Variants in RAB5A observed in about 807,000 individuals in gnomAD.
RAB5A encodes ras-related protein Rab-5A.
A neutral mutation model predicts 25.7 loss-of-function variants in RAB5A; 8 were observed. That is an observed-to-expected ratio of 0.31 (90% CI 0.18 to 0.56). RAB5A has a LOEUF of 0.56. Among genes scored for constraint, RAB5A ranks in the 20% least tolerant of loss-of-function variants. The pLI, the probability that RAB5A is intolerant of heterozygous loss-of-function variation, is 0.91. For missense variants in RAB5A, 192 were observed against 259.7 expected (o/e 0.74, Z 1.79); for synonymous variants, 98 against 89.8 (o/e 1.09, Z -0.52).
At chr3:19,971,216 C>CAAA (rs1696746917) in intron 2 of RAB5A, among the ~76,000 whole-genome samples, 1 of 111,990 alleles carries the variant, frequency 8.9e-6, no homozygotes, top group African/African-American at 3.6e-5. Flanking sequence ...AAAAAAAAAA[C>CAAA]ACTATAGTAG....
chr3:19,968,461 A>G (rs1696691043), intron 2 of RAB5A, among the ~76,000 whole-genome samples: 1 of 152,096 alleles, frequency 6.6e-6, no homozygotes, highest in African/African-American at 2.4e-5. Flanking sequence ...CCCACAAGTT[A>G]CTTTACTTCT....
At chr3:19,972,431 TG>T (rs1696764687) in intron 2 of RAB5A, among the ~76,000 whole-genome samples, 1 of 152,196 alleles carries the variant, frequency 6.6e-6, no homozygotes, top group Non-Finnish European at 1.5e-5. Flanking sequence ...CAGAGAACTC[TG>T]GGAGCACAGA....
intron 2 of RAB5A, among the ~76,000 whole-genome samples, chr3:19,963,375 C>G (rs1008102802): frequency 1.7e-5 from 2 of 115,344 alleles, no homozygotes; most frequent in African/African-American, 7.0e-5. Flanking sequence ...CCCCCCCCCC[C>G]CCCGACTTAT....
chr3:19,967,115 G>T (rs930056965), intron 2 of RAB5A, among the ~76,000 whole-genome samples: 2 of 151,572 alleles, frequency 1.3e-5, no homozygotes, highest in African/African-American at 4.9e-5. Flanking sequence ...GTGTATATCC[G>T]TTGGATCAAT....
At chr3:19,983,686 T>G in intron 5 of RAB5A, 22 bp from the exon 6 acceptor site, 1 of 1,437,226 alleles carries the variant, frequency 7.0e-7, no homozygotes. Context: ...AATATTCTAT[T>G]TATTTGATCA....
rs1696702575 is a variant in RAB5A, at chr3:19,969,031, G to GTTTTTTTTTTTTGTTTTTTTT, written c.164-6557_164-6556insTTTTTTTTTTTTTTTTTTTTG. ...TGCAAATTGGTGTTTTTTGGTTTTGGTTTTTTTTTTTTGGTTTTTTTTTTT... is the reference window on the plus strand; with the variant it reads ...TGCAAATTGGTGTTTTTTGGTTTTGGTTTTTTTTTTTTGTTTTTTTTTTTTTTTTTTTTGGTTTTTTTTTTT... On this transcript the variant is annotated intron_variant, in intron 2 of 5. Transcript: ENST00000273047. 9.0e-5 allele frequency among the ~76,000 whole-genome samples: 9 copies of GTTTTTTTTTTTTGTTTTTTTT among 99,700 alleles called. 1 individual carries two copies. Among genetic ancestry groups the GTTTTTTTTTTTTGTTTTTTTT allele is most frequent in the Non-Finnish European group, 1.5e-4 (8 of 52,274 alleles). The allele number at this position is 99,700 out of a possible 152,430, so 65.4% of individuals were successfully genotyped here. A position where few individuals can be genotyped will look rare whatever the true frequency, so the allele number is the denominator to read the frequency against.
intron 5 of RAB5A, among the ~76,000 whole-genome samples, chr3:19,982,763 TAAAA>T (rs62910362): frequency 7.2e-6 from 1 of 139,828 alleles, no homozygotes. Flanking sequence ...CCTTGTCTCT[TAAAA>T]AAAAAAAAAA....
intron 2 of RAB5A, among the ~76,000 whole-genome samples, chr3:19,965,696 T>C (rs1438519080): frequency 6.6e-6 from 1 of 152,200 alleles, no homozygotes; most frequent in East Asian, 1.9e-4. Context: ...TCACAACTAT[T>C]ACCTTTAGAT....
At chr3:19,978,427 A>G (rs780640698) in intron 5 of RAB5A, 24 bp downstream of exon 5, 68 of 1,505,028 alleles carry the variant, frequency 4.5e-5, no homozygotes, top group Admixed American at 3.6e-5. Flanking sequence ...CTCTTTTTAA[A>G]TGATCAATAT....
chr3:19,955,021 T>C (rs541445555), intron 2 of RAB5A, among the ~76,000 whole-genome samples: 3 of 152,190 alleles, frequency 2.0e-5, no homozygotes, highest in Non-Finnish European at 4.4e-5. Flanking sequence ...AGCAGTAGGC[T>C]CAGAGAGTTG....
chr3:19,979,654 C>T (rs1022460211), intron 5 of RAB5A, among the ~76,000 whole-genome samples: 1 of 152,032 alleles, frequency 6.6e-6, no homozygotes, highest in Admixed American at 6.6e-5. Context: ...AGTAATAAGC[C>T]TCCTTTTTTC....
At chr3:19,983,594 T>C in intron 5 of RAB5A, 114 bp from the exon 6 acceptor site, 1 of 714,816 alleles carries the variant, frequency 1.4e-6, no homozygotes, top group Non-Finnish European at 2.5e-6. Flanking sequence ...GAACATATGG[T>C]TATATGATAC....
chr3:19,953,580 G>T (rs1696456775), intron 2 of RAB5A, among the ~76,000 whole-genome samples: 1 of 151,982 alleles, frequency 6.6e-6, no homozygotes, highest in Non-Finnish European at 1.5e-5. Flanking sequence ...GCCAATTTTT[G>T]TATTTTTAGT....
intron 2 of RAB5A, among the ~76,000 whole-genome samples, chr3:19,954,714 A>G (rs1696474440): frequency 6.6e-6 from 1 of 152,150 alleles, no homozygotes; most frequent in South Asian, 2.1e-4. Context: ...GCTACTGAGA[A>G]GGCTGAAATG....
intron 2 of RAB5A, chr3:19,951,280 G>A: frequency 2.3e-6 from 1 of 438,606 alleles, no homozygotes; most frequent in East Asian, 3.6e-5. Flanking sequence ...TTATATTGTA[G>A]CTAAAATACA....
chr3:19,963,408 G>T, intron 2 of RAB5A, among the ~76,000 whole-genome samples: 1 of 126,848 alleles, frequency 7.9e-6, no homozygotes, highest in African/African-American at 3.1e-5. Context: ...AATTTCTAGA[G>T]GTGATTACTG....
Position 19,950,839 on chromosome 3 carries a change from C to G in RAB5A, c.-60C>G. 1 of 1,516,268 alleles carries G rather than the reference C, an allele frequency of 6.6e-7. No individual in the cohort carries two copies. The highest frequency in any genetic ancestry group is 8.9e-7 in the Non-Finnish European group (1 of 1,118,942). 93.9% of individuals were successfully genotyped at this position (1,516,268 alleles called of 1,614,324 possible). ...ACCTCCAGAAAGAAGAATATTGGCCCCTTGAATTCTGGAAGTTCATTGAAG... is the reference window on the plus strand; with the variant it reads ...ACCTCCAGAAAGAAGAATATTGGCCGCTTGAATTCTGGAAGTTCATTGAAG... On this transcript the variant is annotated 5_prime_UTR_variant, in exon 2 of 6. Transcript: ENST00000273047.
At chr3:19,979,381 T>A (rs2125132117) in intron 5 of RAB5A, among the ~76,000 whole-genome samples, 1 of 151,978 alleles carries the variant, frequency 6.6e-6, no homozygotes, top group Admixed American at 6.6e-5. Flanking sequence ...CCTCCTGGAT[T>A]CACGCCATTC....
intron 4 of RAB5A, among the ~76,000 whole-genome samples, chr3:19,977,365 C>T (rs923443310): frequency 7.2e-5 from 11 of 152,296 alleles, no homozygotes; most frequent in East Asian, 1.9e-4. Context: ...TGAGCCACCA[C>T]GCCCGGCATA....
Sources: allele counts gnomAD v4.1 joint callset (sites outside exome capture counted in the v4.1 genomes callset), GRCh38; gene constraint gnomAD v4.1.1; transcripts MANE v1.5; gene names NCBI Gene and HGNC (gene_info 2026-07-23, HGNC 2026-07-21).